Variants in TBC1D14 observed in about 807,000 individuals in gnomAD.
The protein encoded by TBC1D14 is TBC1 domain family, member 14.
TBC1D14 carries 26 observed loss-of-function variants against 79.0 expected under a neutral mutation model. The observed-to-expected ratio is 0.33, with a 90% CI of 0.24 to 0.46. TBC1D14 has a LOEUF of 0.46. Ranked by LOEUF, TBC1D14 falls within the 20% of genes least tolerant of loss-of-function variation. The pLI is 1.00. For synonymous variants in TBC1D14, 394 were observed against 349.9 expected (o/e 1.13, Z -1.40); for missense variants, 769 against 887.6 (o/e 0.87, Z 1.70).
At chr4:6,931,145 C>T (rs530286088) in intron 2 of TBC1D14, among the ~76,000 whole-genome samples, 29 of 152,200 alleles carry the variant, frequency 1.9e-4, no homozygotes, top group African/African-American at 3.9e-4. Context: ...GTGATCTGCC[C>T]GCCTCAGCCT....
chr4:7,028,723 T>C (rs1004198507), intron 13 of TBC1D14, among the ~76,000 whole-genome samples: 2 of 150,552 alleles, frequency 1.3e-5, no homozygotes, highest in African/African-American at 4.9e-5. Flanking sequence ...CCACACCTGG[T>C]CCAGGCATCA....
chr4:7,026,014 C>T (rs529046116), intron 13 of TBC1D14, among the ~76,000 whole-genome samples: 2 of 152,262 alleles, frequency 1.3e-5, no homozygotes, highest in East Asian at 3.9e-4. Context: ...CTTTTCTGTA[C>T]GTGCTACACC....
intron 1 of TBC1D14, among the ~76,000 whole-genome samples, chr4:6,914,626 T>C (rs1723250020): frequency 6.6e-6 from 1 of 152,150 alleles, no homozygotes; most frequent in African/African-American, 2.4e-5. Context: ...CTAGTGCATA[T>C]AGACATGGAA....
At position 6,926,308 on chromosome 4, in the gene TBC1D14, G is replaced by A. The variant is rs13102893; in HGVS notation, c.722+2197G>A. On this transcript the variant is annotated intron_variant, in intron 2 of 13. Coordinates refer to ENST00000409757, the MANE Select transcript of TBC1D14 (RefSeq NM_020773.3). ...CTTTTAAGTATGAGTTGCTTGTGGC[G>A]ATCATGGCCACGTTGCTCTTTCTGC... Among the ~76,000 whole-genome samples, 583 of 152,296 alleles carry A rather than the reference G, an allele frequency of 3.8e-3. 5 individuals carry two copies. The highest frequency in any genetic ancestry group is 0.012 in the South Asian group (57 of 4,824).
At chr4:6,953,755 G>A (rs1011231762) in intron 2 of TBC1D14, among the ~76,000 whole-genome samples, 4 of 152,150 alleles carry the variant, frequency 2.6e-5, no homozygotes, top group African/African-American at 7.2e-5. Flanking sequence ...CAGAGCGATG[G>A]TTCTAGTGTA....
intron 11 of TBC1D14, among the ~76,000 whole-genome samples, chr4:7,011,545 G>GTT (rs149496962): frequency 1.3e-5 from 2 of 151,266 alleles, no homozygotes; most frequent in Non-Finnish European, 3.0e-5. Flanking sequence ...GGTTTTTTTT[G>GTT]TTTTTTTTGT....
intron 2 of TBC1D14, among the ~76,000 whole-genome samples, chr4:6,939,122 T>G (rs536219079): frequency 2.4e-4 from 36 of 152,314 alleles, no homozygotes; most frequent in African/African-American, 8.2e-4. Flanking sequence ...CCTCTGCATC[T>G]GGGGCAAGTC....
chr4:7,002,500 C>T (rs890291485), intron 7 of TBC1D14, among the ~76,000 whole-genome samples: 2 of 152,116 alleles, frequency 1.3e-5, no homozygotes, highest in African/African-American at 2.4e-5. Context: ...AAACCGCTGA[C>T]GAGTCAGTTA....
chr4:7,015,920 C>T (rs376539930), intron 12 of TBC1D14, among the ~76,000 whole-genome samples: 41 of 152,348 alleles, frequency 2.7e-4, no homozygotes, highest in African/African-American at 9.9e-4. Flanking sequence ...CAGAAAGGCA[C>T]GTTCCACTAA....
At chr4:7,008,979 T>G (rs913733006) in intron 9 of TBC1D14, among the ~76,000 whole-genome samples, 6 of 152,182 alleles carry the variant, frequency 3.9e-5, no homozygotes, top group Non-Finnish European at 5.9e-5. Context: ...ACCCTCTCAT[T>G]GCTATTTTTC....
intron 3 of TBC1D14, among the ~76,000 whole-genome samples, chr4:6,979,101 A>C (rs191551297): frequency 1.7e-4 from 26 of 152,328 alleles, no homozygotes; most frequent in African/African-American, 5.5e-4. Context: ...CAACCACTAA[A>C]CTATACAAAG....
chr4:6,932,583 C>A (rs759417113), intron 2 of TBC1D14, among the ~76,000 whole-genome samples: 3 of 152,136 alleles, frequency 2.0e-5, no homozygotes, highest in Non-Finnish European at 4.4e-5. Flanking sequence ...GTGATGTTGG[C>A]TTTGACTTAG....
chr4:6,929,647 C>T (rs529707659), intron 2 of TBC1D14, among the ~76,000 whole-genome samples: 1 of 152,252 alleles, frequency 6.6e-6, no homozygotes, highest in Non-Finnish European at 1.5e-5. Context: ...AGATGGTAGA[C>T]GCCCAGATGG....
intron 3 of TBC1D14, among the ~76,000 whole-genome samples, chr4:6,975,200 C>T (rs1158023939): frequency 6.7e-6 from 1 of 150,034 alleles, no homozygotes; most frequent in African/African-American, 2.5e-5. Context: ...AGGCATGAGC[C>T]GCCGCGCCCG....
At chr4:7,012,128 C>T (rs1057023743) in intron 11 of TBC1D14, among the ~76,000 whole-genome samples, 2 of 151,772 alleles carry the variant, frequency 1.3e-5, no homozygotes, top group Non-Finnish European at 2.9e-5. Flanking sequence ...AGTGAAACCC[C>T]GTCTCTACTA....
chr4:6,918,286 G>T (rs998718914), intron 1 of TBC1D14, among the ~76,000 whole-genome samples: 1 of 152,218 alleles, frequency 6.6e-6, no homozygotes, highest in African/African-American at 2.4e-5. Context: ...AATTCCAGGC[G>T]TGAGTGATGC....
In TBC1D14 at chr4:6,929,678, A is replaced by G. The variant is rs187658125; in HGVS notation, c.722+5567A>G. Among the ~76,000 whole-genome samples the G allele has an allele frequency of 4.3e-4, 65 of 152,308 alleles. No homozygotes were observed. In the East Asian group the frequency reaches 0.012, roughly 28 times the overall value. ...GATGGGGCAGGACTTTGAGGACGAC[A>G]TTTAGTCTCAAGACTCAAAGCCTGT... is the stretch of plus-strand genomic sequence containing the variant. On this transcript the variant is annotated intron_variant, in intron 2 of 13. Transcript: ENST00000409757.
intron 2 of TBC1D14, among the ~76,000 whole-genome samples, chr4:6,928,870 A>G (rs1724492025): frequency 6.6e-6 from 1 of 152,158 alleles, no homozygotes; most frequent in Non-Finnish European, 1.5e-5. Flanking sequence ...ATGTACATAC[A>G]TGGGACGCAC....
chr4:6,985,865 T>C (rs554293386), intron 3 of TBC1D14, among the ~76,000 whole-genome samples: 1 of 152,368 alleles, frequency 6.6e-6, no homozygotes, highest in East Asian at 1.9e-4. Flanking sequence ...CTTTCCCTTT[T>C]ATCCTATTTT....
Sources: gnomAD v4.1 joint callset for allele counts (sites outside exome capture counted in the v4.1 genomes callset) on GRCh38, gnomAD v4.1.1 for gene constraint, MANE v1.5 for transcripts, NCBI Gene and HGNC (gene_info 2026-07-23, HGNC 2026-07-21) for gene names.